Variants in COX7A2L observed in about 807,000 individuals in gnomAD.
The protein encoded by COX7A2L is cytochrome c oxidase subunit 7A2 like, also known as cytochrome c oxidase subunit 7A2-like, mitochondrial.
COX7A2L carries 18 observed loss-of-function variants against 14.2 expected under a neutral mutation model. The observed-to-expected ratio is 1.27, with a 90% CI of 0.88 to 1.88. COX7A2L has a LOEUF of 1.88. Among genes scored for constraint, COX7A2L ranks in the 40% most tolerant of loss-of-function variants. COX7A2L has a pLI of 0.00. For synonymous variants in COX7A2L, 65 were observed against 57.4 expected, an observed-to-expected ratio of 1.13 and a Z score of -0.60; for missense variants, 179 against 138.8, an observed-to-expected ratio of 1.29 and a Z score of -1.46.
rs1670360600 is a variant in COX7A2L at position 42,339,638 on chromosome 2, T to C, written c.193-5769A>G. The stretch of plus-strand genomic sequence containing the variant: ...CTCCTTTCTTATTTTTAACACTTTT[T>C]AAATTTATTACTTCCAATAAAGTGC... On this transcript the variant is annotated intron_variant, in intron 2 of 2. Coordinates refer to the COX7A2L transcript ENST00000468711. This position sits in a 1 kb window ranked among gnomAD's most constrained non-coding sequence, Gnocchi z 5.4. Among the ~76,000 whole-genome samples the C allele has an allele frequency of 6.6e-6, 1 of 152,172 alleles. No homozygotes were observed. The highest frequency in any genetic ancestry group is 1.5e-5 in the Non-Finnish European group (1 of 68,036).
chr2:42,339,749 G>A lies in COX7A2L; in HGVS notation c.193-5880C>T, dbSNP rs564474409. Reference sequence around the variant, plus strand: ...GGGATGCTGCCAGCACTCAGAAGTCGGCCTGTGACCCGCTCCTGTCAGGGA... The same window carrying A: ...GGGATGCTGCCAGCACTCAGAAGTCAGCCTGTGACCCGCTCCTGTCAGGGA... On this transcript the variant is annotated intron_variant, in intron 2 of 2. Coordinates refer to the COX7A2L transcript ENST00000468711. This position sits in a 1 kb window ranked among gnomAD's most constrained non-coding sequence, Gnocchi z 5.4. Among the ~76,000 whole-genome samples the A allele has an allele frequency of 4.6e-4, 70 of 152,154 alleles. No homozygotes were observed. Among genetic ancestry groups the A allele is most frequent in the South Asian group, 3.7e-3 (18 of 4,822 alleles).
intron 1 of COX7A2L, chr2:42,359,879 T>A (rs1009792374): frequency 1.3e-5 from 2 of 151,036 alleles, no homozygotes; most frequent in Non-Finnish European, 2.9e-5. Context: ...CCTTCTTATC[T>A]GAGATTAGAA....
rs1435481348 is a variant in COX7A2L, at chr2:42,351,129, C to G, written c.*90G>C. ...TTTTCTTGCAAAAATGTTAAGCCATCCAAGTAAAAAAAAAAATTTTAATTT... is the reference window on the plus strand; with the variant it reads ...TTTTCTTGCAAAAATGTTAAGCCATGCAAGTAAAAAAAAAAATTTTAATTT... On this transcript the variant is annotated 3_prime_UTR_variant, in exon 3 of 3. Transcript: ENST00000234301. The G allele has an allele frequency of 7.2e-7, 1 of 1,385,874 alleles. No individual in the cohort carries two copies. The highest frequency in any genetic ancestry group is 9.6e-7 in the Non-Finnish European group (1 of 1,036,904). 85.8% of individuals were successfully genotyped at this position (1,385,874 alleles called of 1,614,324 possible). A position where few individuals can be genotyped will look rare whatever the true frequency, so the allele number is the denominator to read the frequency against.
rs1272191048 is a variant in COX7A2L, at chr2:42,350,674, A to G, written c.*545T>C. On this transcript the variant is annotated 3_prime_UTR_variant, in exon 3 of 3. Coordinates refer to ENST00000234301, the MANE Select transcript of COX7A2L (RefSeq NM_004718.4). ...TTCCCACGGTGGAATAATTACACAT[A>G]AGATTTCACTAAAGATAGGAGATGA... 1 of 152,294 alleles carries G rather than the reference A, an allele frequency of 6.6e-6. No homozygotes were observed. Among genetic ancestry groups the G allele is most frequent in the Non-Finnish European group, 1.5e-5 (1 of 68,078 alleles). 9.4% of individuals were successfully genotyped at this position (152,294 alleles called of 1,614,324 possible).
upstream of COX7A2L, among the ~76,000 whole-genome samples, chr2:42,362,943 C>T (rs1022921560): frequency 1.4e-5 from 2 of 145,336 alleles, no homozygotes; most frequent in African/African-American, 5.1e-5. Flanking sequence ...GGTGTGATCT[C>T]GGCTCATTGC....
upstream of COX7A2L, chr2:42,361,227 C>A: frequency 6.8e-7 from 1 of 1,466,760 alleles, no homozygotes; most frequent in African/African-American, 1.4e-5. Context: ...GACCCCGCCT[C>A]CCCGGCTGTG....
In COX7A2L at chr2:42,351,251, G is replaced by C; in HGVS notation, c.313C>G (p.Leu105Val). ...TTTTTGGGCTGCGAAGCCATGTAGA[G>C]GGCGATCAGGCAGTAGATGGTCCCT... ...VGGTIYCLIALYMASQPKNK is the reference protein window; with the variant it reads ...VGGTIYCLIAVYMASQPKNK Residue 105 changes from leucine to valine, a missense_variant, in exon 3 of 3, where the codon CTC becomes GTC. Leu to Val is a conservative substitution (Grantham distance 32, BLOSUM62 1). Coordinates refer to ENST00000234301, the MANE Select transcript of COX7A2L (RefSeq NM_004718.4). 3.7e-6 allele frequency: 6 copies of C among 1,614,112 alleles called. No individual in the cohort carries two copies. The highest frequency in any genetic ancestry group is 5.1e-6 in the Non-Finnish European group (6 of 1,179,994).
downstream of COX7A2L, among the ~76,000 whole-genome samples, chr2:42,346,515 C>T (rs1039771982): frequency 6.6e-6 from 1 of 152,214 alleles, no homozygotes; most frequent in African/African-American, 2.4e-5. Context: ...AAGTGGCTCA[C>T]ATCTGTAATC....
intron 2 of COX7A2L, among the ~76,000 whole-genome samples, chr2:42,343,534 A>T (rs1014683279): frequency 6.6e-6 from 1 of 152,188 alleles, no homozygotes; most frequent in Non-Finnish European, 1.5e-5. Context: ...ACAGGGCCCC[A>T]TTTCTCAGCC....
chr2:42,367,157 G>C (rs890988566), intron 1 of COX7A2L, among the ~76,000 whole-genome samples: 8 of 152,332 alleles, frequency 5.3e-5, no homozygotes, highest in Non-Finnish European at 1.2e-4. Flanking sequence ...GAAACTGAAA[G>C]TCATGGCCCT....
At chr2:42,361,381 G>C (rs1671045757), upstream of COX7A2L, 2 of 510,092 alleles carry the variant, frequency 3.9e-6, no homozygotes, top group Admixed American at 3.9e-5. Flanking sequence ...AGCTCTAAGA[G>C]AGCACGCAAA....
downstream of COX7A2L, among the ~76,000 whole-genome samples, chr2:42,346,263 A>C (rs1246304762): frequency 6.6e-6 from 1 of 152,204 alleles, no homozygotes; most frequent in Non-Finnish European, 1.5e-5. Flanking sequence ...AGAATTAAAC[A>C]GCTGCATAAT....
intron 2 of COX7A2L, among the ~76,000 whole-genome samples, chr2:42,336,978 G>C (rs1670291006): frequency 6.6e-6 from 1 of 152,214 alleles, no homozygotes. Flanking sequence ...ATACACTCTA[G>C]AAAGGTTGTA....
downstream of COX7A2L, among the ~76,000 whole-genome samples, chr2:42,347,858 C>G (rs1300897358): frequency 1.3e-5 from 2 of 152,112 alleles, no homozygotes; most frequent in Non-Finnish European, 2.9e-5. Flanking sequence ...AAAGCAGAGG[C>G]TGCGGTGAGC....
chr2:42,343,556 G>A (rs1436998959), intron 2 of COX7A2L, among the ~76,000 whole-genome samples: 1 of 152,170 alleles, frequency 6.6e-6, no homozygotes, highest in Admixed American at 6.5e-5. Flanking sequence ...ACCCGACATG[G>A]GCAGTCTGTG....
downstream of COX7A2L, among the ~76,000 whole-genome samples, chr2:42,348,493 A>C (rs1051755585): frequency 6.6e-6 from 1 of 152,206 alleles, no homozygotes; most frequent in East Asian, 1.9e-4. Flanking sequence ...GTTTAACCTG[A>C]AACCACCAAT....
rs1051032485 is a variant in COX7A2L at position 42,338,941 on chromosome 2, G to C, written c.193-5072C>G. On this transcript the variant is annotated intron_variant, in intron 2 of 2. Coordinates refer to the COX7A2L transcript ENST00000468711. This position sits in a 1 kb window ranked among gnomAD's most constrained non-coding sequence, Gnocchi z 4.4. ...GAGCTCAGCACATAAGAGAACGAGAGATTAGCTGTCCCTGCATCAGAGCGC... is the reference window on the plus strand; with the variant it reads ...GAGCTCAGCACATAAGAGAACGAGACATTAGCTGTCCCTGCATCAGAGCGC... Among the ~76,000 whole-genome samples the C allele has an allele frequency of 6.6e-6, 1 of 152,218 alleles. No homozygotes were observed. Among genetic ancestry groups the C allele is most frequent in the African/African-American group, 2.4e-5 (1 of 41,462 alleles).
At chr2:42,360,048 C>T (rs1465250900) in intron 1 of COX7A2L, 5 of 152,188 alleles carry the variant, frequency 3.3e-5, no homozygotes, top group Admixed American at 6.6e-5. Context: ...TAAACATCTG[C>T]CTCTTGGGCA....
At chr2:42,343,293 G>A (rs1031666840) in intron 2 of COX7A2L, among the ~76,000 whole-genome samples, 5 of 152,198 alleles carry the variant, frequency 3.3e-5, no homozygotes, top group African/African-American at 4.8e-5. Flanking sequence ...TAACAAGGCC[G>A]TTTGCTAGCC....
Sources: allele counts gnomAD v4.1 joint callset (sites outside exome capture counted in the v4.1 genomes callset), GRCh38; gene constraint gnomAD v4.1.1; non-coding constraint Gnocchi (gnomAD v3.1); transcripts MANE v1.5; gene names NCBI Gene and HGNC (gene_info 2026-07-23, HGNC 2026-07-21).